CCNY: variants seen among roughly 807,000 people sequenced by gnomAD.
CCNY encodes the protein cyclin-Y.
In CCNY, 19 loss-of-function variants were observed where a neutral mutation model predicts 42.8. The observed-to-expected ratio is 0.44, with a 90% CI of 0.31 to 0.65. The LOEUF (loss-of-function observed/expected upper bound fraction) is 0.65. Ranked by LOEUF, CCNY falls within the 30% of genes least tolerant of loss-of-function variation. The probability of loss-of-function intolerance (pLI) is 0.07; values close to 1 mark genes in which losing one functional copy is unlikely to be tolerated. For missense variants in CCNY, 370 were observed against 437.3 expected (o/e 0.85, Z 1.37); for synonymous variants, 165 against 162.7 (o/e 1.01, Z -0.11).
rs1840646602 is a variant in CCNY at position 35,526,084 on chromosome 10, C to T, written c.401+85C>T. The T allele has an allele frequency of 7.7e-6, 9 of 1,175,462 alleles. No homozygotes were observed. The East Asian group carries it at 2.2e-4, about 28-fold the overall frequency. The allele number at this position is 1,175,462 out of a possible 1,614,324, so 72.8% of individuals were successfully genotyped here. On this transcript the variant is annotated intron_variant, in intron 5 of 9. Transcript: ENST00000374704. ...TTTTTTCATATTCTAGTTGCTTAAA[C>T]CTTTGAATTATACTTTCTTAACTCA...
chr10:35,319,317 CTGAG>C, intron 3 of CCNY, among the ~76,000 whole-genome samples: 2 of 152,146 alleles, frequency 1.3e-5, no homozygotes, highest in East Asian at 3.9e-4. Context: ...GAGTTTGGGG[CTGAG>C]TGAGTTATGA....
chr10:35,406,715 A>T (rs886181607), intron 1 of CCNY, among the ~76,000 whole-genome samples: 1 of 152,036 alleles, frequency 6.6e-6, no homozygotes, highest in Non-Finnish European at 1.5e-5. Flanking sequence ...TGCCACTGTC[A>T]TCATGGCCTG....
chr10:35,422,149 A>T (rs941210732), intron 1 of CCNY, among the ~76,000 whole-genome samples: 1 of 152,052 alleles, frequency 6.6e-6, no homozygotes, highest in African/African-American at 2.4e-5. Context: ...ATCTAATTTT[A>T]CACCTTTCTA....
chr10:35,547,180 T>C (rs1013928549), intron 7 of CCNY, among the ~76,000 whole-genome samples: 2 of 152,220 alleles, frequency 1.3e-5, no homozygotes, highest in African/African-American at 4.8e-5. Flanking sequence ...TAGATCTTTA[T>C]CTGAAGAGTT....
chr10:35,250,063 G>A lies in CCNY; in HGVS notation c.-113-459G>A, dbSNP rs529235550. Among the ~76,000 whole-genome samples, 287 of 152,122 alleles carry A rather than the reference G, an allele frequency of 1.9e-3. 1 individual carries two copies. Among genetic ancestry groups the A allele is most frequent in the Non-Finnish European group, 3.5e-3 (237 of 68,008 alleles). On this transcript the variant is annotated intron_variant, in intron 2 of 11. Coordinates refer to the CCNY transcript ENST00000374706. ...CAAAAAATTAGCTGGGCATGGTGGC[G>A]GGTGCCTGTAGTCCCAGCTGCTGGG...
At position 35,253,416 on chromosome 10, in the gene CCNY, T is replaced by A. The variant is rs955626384; in HGVS notation, c.-9+2790T>A. Reference sequence around the variant, plus strand: ...AGGCATGCACCAGCATGCTCACTATTTTTTTTTTTTTTTTTTTTTTTTTTT... The same window carrying A: ...AGGCATGCACCAGCATGCTCACTATATTTTTTTTTTTTTTTTTTTTTTTTT... On this transcript the variant is annotated intron_variant, in intron 3 of 11. Coordinates refer to the CCNY transcript ENST00000374706. Among the ~76,000 whole-genome samples the A allele has an allele frequency of 7.3e-3, 716 of 98,448 alleles. 39 individuals carry two copies. Among genetic ancestry groups the A allele is most frequent in the African/African-American group, 9.1e-3 (256 of 28,098 alleles). The allele number at this position is 98,448 out of a possible 152,430, so 64.6% of individuals were successfully genotyped here.
intron 1 of CCNY, chr10:35,247,165 C>T (rs41314637): frequency 8.8e-4 from 134 of 152,802 alleles, no homozygotes; most frequent in Non-Finnish European, 1.7e-3. Context: ...GGCCTGAGAA[C>T]GCTTGGGGAG....
intron 1 of CCNY, among the ~76,000 whole-genome samples, chr10:35,342,262 C>T (rs1212241470): frequency 3.3e-5 from 5 of 152,192 alleles, no homozygotes; most frequent in African/African-American, 1.2e-4. Flanking sequence ...TTAACATCAC[C>T]TCTGCAGCAC....
intron 7 of CCNY, among the ~76,000 whole-genome samples, chr10:35,551,055 G>T (rs1464960968): frequency 1.3e-5 from 2 of 152,112 alleles, no homozygotes; most frequent in African/African-American, 4.8e-5. Context: ...TTCCTCCCCA[G>T]TGCACCCTGT....
intron 3 of CCNY, among the ~76,000 whole-genome samples, chr10:35,274,801 C>T (rs950584547): frequency 1.3e-5 from 2 of 152,042 alleles, no homozygotes; most frequent in African/African-American, 4.8e-5. Context: ...AAAACATTTG[C>T]CAGCTGGATG....
chr10:35,264,213 G>A (rs1167298148), intron 3 of CCNY, among the ~76,000 whole-genome samples: 2 of 152,012 alleles, frequency 1.3e-5, no homozygotes, highest in Admixed American at 1.3e-4. Flanking sequence ...GGGATTGCTG[G>A]GTCAAATGGT....
At chr10:35,285,235 A>G (rs1369132063) in intron 3 of CCNY, among the ~76,000 whole-genome samples, 2 of 152,036 alleles carry the variant, frequency 1.3e-5, no homozygotes, top group Admixed American at 1.3e-4. Context: ...GGGTTTTGCC[A>G]TGTTGGCCAG....
chr10:35,264,959 G>A (rs1005625593), intron 3 of CCNY, among the ~76,000 whole-genome samples: 4 of 152,064 alleles, frequency 2.6e-5, no homozygotes, highest in African/African-American at 9.7e-5. Flanking sequence ...TGGTGTTTTT[G>A]TTTTTGTTTT....
At chr10:35,297,376 T>A (rs1345152813) in intron 3 of CCNY, among the ~76,000 whole-genome samples, 1 of 152,136 alleles carries the variant, frequency 6.6e-6, no homozygotes, top group Non-Finnish European at 1.5e-5. Flanking sequence ...GAGCTATCTA[T>A]GACAAACCCA....
intron 1 of CCNY, among the ~76,000 whole-genome samples, chr10:35,415,874 G>A (rs115921184): frequency 0.012 from 1,816 of 152,332 alleles, 26 homozygotes; most frequent in African/African-American, 0.026. Context: ...AGGTGGCAGT[G>A]CCCGCTCTGA....
chr10:35,433,061 T>C (rs1331312903), intron 1 of CCNY, among the ~76,000 whole-genome samples: 4 of 152,174 alleles, frequency 2.6e-5, no homozygotes. Context: ...ATACTGCCTG[T>C]AGGCTGGGCA....
chr10:35,530,215 T>C lies in CCNY; in HGVS notation c.551T>C (p.Leu184Pro). 1 of 1,614,238 alleles carries C rather than the reference T, an allele frequency of 6.2e-7. No individual in the cohort carries two copies. The highest frequency in any genetic ancestry group is 8.5e-7 in the Non-Finnish European group (1 of 1,180,032). ...CGGACACTGTTCAGTGCTGCTCAGC[T>C]GACGGCTGAATGTGCCATCGTCACC... is the stretch of plus-strand genomic sequence containing the variant. Reference protein sequence around the residue: ...FVRTLFSAAQLTAECAIVTLV... With the variant: ...FVRTLFSAAQPTAECAIVTLV... The change falls in exon 7 of 10, where the codon CTG becomes CCG. Residue 184 changes from leucine to proline, a missense_variant. Leu to Pro is a moderately conservative substitution (Grantham distance 98, BLOSUM62 -3). Transcript: ENST00000374704. The surrounding 1 kb of genome is among the most constrained non-coding windows in gnomAD (Gnocchi z 4.3).
At chr10:35,390,583 A>T (rs2135209590) in intron 1 of CCNY, among the ~76,000 whole-genome samples, 1 of 152,182 alleles carries the variant, frequency 6.6e-6, no homozygotes, top group Non-Finnish European at 1.5e-5. Context: ...GGGCTCCCTT[A>T]CCTCTCCCTT....
At position 35,376,020 on chromosome 10, in the gene CCNY, C is replaced by T. The variant is rs564044206; in HGVS notation, c.154+38813C>T. On this transcript the variant is annotated intron_variant, in intron 1 of 9. Coordinates refer to ENST00000374704, the MANE Select transcript of CCNY (RefSeq NM_145012.6). ...GGTGCAGTAAAGTCATTCCCTGTAC[C>T]GTGCCTTGGAAGCTCTGAGGGGTCG... Among the ~76,000 whole-genome samples the T allele has an allele frequency of 5.3e-5, 8 of 152,212 alleles. No homozygotes were observed. In the South Asian group the frequency reaches 1.7e-3, roughly 32 times the overall value.
Sources: allele counts gnomAD v4.1 joint callset (sites outside exome capture counted in the v4.1 genomes callset), GRCh38; gene constraint gnomAD v4.1.1; non-coding constraint Gnocchi (gnomAD v3.1); transcripts MANE v1.5; gene names NCBI Gene and HGNC (gene_info 2026-07-23, HGNC 2026-07-21).